BICC1: variants seen among roughly 807,000 people sequenced by gnomAD.
BICC1 encodes the protein BicC family RNA binding protein 1.
A neutral mutation model predicts 111.0 loss-of-function variants in BICC1; 43 were observed. The ratio of observed to expected loss-of-function variants is 0.39; its 90% CI spans 0.30 to 0.50. The LOEUF is 0.50. BICC1 is among the 20% of genes least tolerant of loss of function. The probability of loss-of-function intolerance (pLI) is 0.88; values close to 1 mark genes in which losing one functional copy is unlikely to be tolerated. For synonymous variants in BICC1, 467 were observed against 434.4 expected (o/e 1.07, Z -0.93); for missense variants, 1,091 against 1,203.2 (o/e 0.91, Z 1.38).
chr10:58,726,227 A>G (rs1841100060), intron 3 of BICC1, among the ~76,000 whole-genome samples: 1 of 152,210 alleles, frequency 6.6e-6, no homozygotes, highest in African/African-American at 2.4e-5. Context: ...ACTACCCACA[A>G]TGGATTTAAT....
intron 2 of BICC1, among the ~76,000 whole-genome samples, chr10:58,699,809 T>C (rs1840175932): frequency 6.6e-6 from 1 of 152,030 alleles, no homozygotes; most frequent in South Asian, 2.1e-4. Context: ...GTCCTCCTGC[T>C]CCAGCCTCCT....
intron 3 of BICC1, among the ~76,000 whole-genome samples, chr10:58,724,748 G>A (rs1045244842): frequency 1.1e-4 from 17 of 152,344 alleles, no homozygotes; most frequent in Admixed American, 7.2e-4. Flanking sequence ...CTTACAGACT[G>A]GCAGTCACCA....
intron 3 of BICC1, among the ~76,000 whole-genome samples, chr10:58,727,727 T>C (rs940834945): frequency 1.3e-5 from 2 of 152,234 alleles, no homozygotes; most frequent in African/African-American, 4.8e-5. Context: ...TATATTCCTT[T>C]AGCAGCAAAC....
chr10:58,628,646 C>G (rs761445753), intron 2 of BICC1, among the ~76,000 whole-genome samples: 1 of 152,094 alleles, frequency 6.6e-6, no homozygotes, highest in Non-Finnish European at 1.5e-5. Context: ...GCAACAATAT[C>G]TGGGTATAGT....
intron 1 of BICC1, among the ~76,000 whole-genome samples, chr10:58,561,965 G>A (rs1335905841): frequency 6.6e-6 from 1 of 152,000 alleles, no homozygotes; most frequent in Non-Finnish European, 1.5e-5. Flanking sequence ...TTTGCTGGTA[G>A]CATTTCTGCT....
intron 2 of BICC1, among the ~76,000 whole-genome samples, chr10:58,675,072 C>T (rs927680176): frequency 2.0e-5 from 3 of 152,096 alleles, no homozygotes; most frequent in African/African-American, 7.2e-5. Flanking sequence ...AGAAGATTGT[C>T]TTGGATTATG....
intron 2 of BICC1, among the ~76,000 whole-genome samples, chr10:58,625,232 A>G (rs1239565881): frequency 1.3e-5 from 2 of 152,172 alleles, no homozygotes; most frequent in African/African-American, 4.8e-5. Context: ...TTCATGGCTT[A>G]CTCACTGTCT....
intron 3 of BICC1, among the ~76,000 whole-genome samples, chr10:58,767,870 A>G (rs950494852): frequency 2.0e-5 from 3 of 152,056 alleles, no homozygotes; most frequent in Non-Finnish European, 4.4e-5. Context: ...ATCAAGCAGA[A>G]GAAAGGATCT....
intron 1 of BICC1, among the ~76,000 whole-genome samples, chr10:58,558,657 A>G (rs577004771): frequency 2.0e-5 from 3 of 152,110 alleles, no homozygotes; most frequent in Non-Finnish European, 4.4e-5. Flanking sequence ...TCTAAGCAAC[A>G]TTCTTAGTTT....
intron 2 of BICC1, among the ~76,000 whole-genome samples, chr10:58,662,750 T>A (rs1346431975): frequency 6.6e-6 from 1 of 152,176 alleles, no homozygotes; most frequent in Non-Finnish European, 1.5e-5. Flanking sequence ...AATAAATGTA[T>A]AACAAAACTA....
rs778373377 is a variant in BICC1, at chr10:58,814,003, A to G, written c.2533+17A>G. The G allele has an allele frequency of 1.2e-6, 2 of 1,613,812 alleles. No homozygotes were observed. Among genetic ancestry groups the G allele is most frequent in the Non-Finnish European group, 1.7e-6 (2 of 1,179,742 alleles). The stretch of plus-strand genomic sequence containing the variant: ...ACAAATCAAGTGAGCGTTGTGTTTT[A>G]TGCACACTTTTAGGTATCCCCAGAT... On this transcript the variant is annotated intron_variant, in intron 18 of 20. Transcript: ENST00000373886.
At chr10:58,785,287 TACAC>T (rs918330487) in intron 4 of BICC1, among the ~76,000 whole-genome samples, 1 of 151,960 alleles carries the variant, frequency 6.6e-6, no homozygotes, top group African/African-American at 2.4e-5. Context: ...GAACTATACA[TACAC>T]ACACACACAC....
At chr10:58,827,794 AT>A (rs895701834) in intron 20 of BICC1, among the ~76,000 whole-genome samples, 2 of 152,144 alleles carry the variant, frequency 1.3e-5, no homozygotes, top group African/African-American at 4.8e-5. Context: ...ATTATGATGT[AT>A]TTTTGTAAAG....
In BICC1 at chr10:58,616,027, C is replaced by G. The variant is rs1845592421; in HGVS notation, c.191-4828C>G. ...AGGTGCAGGCTGGGTGCCTGGAGGC[C>G]TGGCTACACAGCTCAGCAAAAGATT... On this transcript the variant is annotated intron_variant, in intron 1 of 20. Coordinates refer to ENST00000373886, the MANE Select transcript of BICC1 (RefSeq NM_001080512.3). Among the ~76,000 whole-genome samples, 3 of 152,220 alleles carry G rather than the reference C, an allele frequency of 2.0e-5. No homozygotes were observed. In the South Asian group the frequency reaches 6.2e-4, roughly 32 times the overall value.
chr10:58,769,734 T>A (rs2132717354), intron 3 of BICC1, among the ~76,000 whole-genome samples: 1 of 152,132 alleles, frequency 6.6e-6, no homozygotes, highest in South Asian at 2.1e-4. Context: ...TATCAATGGC[T>A]TTTTCTTTTG....
chr10:58,736,676 C>G (rs1403473925), intron 3 of BICC1, among the ~76,000 whole-genome samples: 1 of 152,120 alleles, frequency 6.6e-6, no homozygotes, highest in East Asian at 1.9e-4. Flanking sequence ...AAGTTATCCC[C>G]ACTCTTATTG....
chr10:58,827,300 A>G (rs1260918682), intron 20 of BICC1, among the ~76,000 whole-genome samples: 1 of 152,234 alleles, frequency 6.6e-6, no homozygotes, highest in South Asian at 2.1e-4. Flanking sequence ...GTCATTGTTG[A>G]TACAGAAAAA....
At chr10:58,577,187 CAG>C (rs907443496) in intron 1 of BICC1, among the ~76,000 whole-genome samples, 1 of 152,116 alleles carries the variant, frequency 6.6e-6, no homozygotes, top group African/African-American at 2.4e-5. Flanking sequence ...ATGTGCTAGA[CAG>C]GGGAGGTTCC....
chr10:58,676,583 C>T (rs1839348974), intron 2 of BICC1, among the ~76,000 whole-genome samples: 1 of 152,174 alleles, frequency 6.6e-6, no homozygotes, highest in Non-Finnish European at 1.5e-5. Context: ...CTCCCTGGGA[C>T]AGAGCACCTG....
Sources: allele counts gnomAD v4.1 joint callset (sites outside exome capture counted in the v4.1 genomes callset), GRCh38; gene constraint gnomAD v4.1.1; transcripts MANE v1.5; gene names NCBI Gene and HGNC (gene_info 2026-07-23, HGNC 2026-07-21).